DFFA: variants seen among roughly 807,000 people sequenced by gnomAD.
The protein encoded by DFFA is DNA fragmentation factor subunit alpha, also known as DFF45.
Under a neutral mutation model 28.0 loss-of-function variants are expected in DFFA, and 14 were observed. The observed-to-expected ratio is 0.50, with a 90% CI of 0.33 to 0.78. DFFA has a LOEUF of 0.78. DFFA is among the 30% of genes least tolerant of loss of function. DFFA has a pLI of 0.02. For synonymous variants in DFFA, 158 were observed against 170.3 expected (o/e 0.93, Z 0.56); for missense variants, 395 against 407.1 (o/e 0.97, Z 0.26).
chr1:10,460,957 G>A lies in DFFA; in HGVS notation c.*533C>T, dbSNP rs1282466808. 1 of 147,960 alleles carries A rather than the reference G, an allele frequency of 6.8e-6. No homozygotes were observed. The highest frequency in any genetic ancestry group is 1.5e-5 in the Non-Finnish European group (1 of 67,560). 9.2% of individuals were successfully genotyped at this position (147,960 alleles called of 1,614,324 possible). On this transcript the variant is annotated 3_prime_UTR_variant, in exon 6 of 6. Coordinates refer to ENST00000377038, the MANE Select transcript of DFFA (RefSeq NM_004401.3). ...GGAGTCTCGCTCTGTTGCCCAGGCT[G>A]GAGTGCAGTGGCGCAATCTCAGCTC...
chr1:10,461,180 T>C lies in DFFA; in HGVS notation c.*310A>G, dbSNP rs1409482300. On this transcript the variant is annotated 3_prime_UTR_variant, in exon 6 of 6. Transcript: ENST00000377038. Reference sequence around the variant, plus strand: ...CCCCCTCGGCCTCCCAGTGCTGGGATTACAGGCGTGAGCCACTGCGCCTGG... The same window carrying C: ...CCCCCTCGGCCTCCCAGTGCTGGGACTACAGGCGTGAGCCACTGCGCCTGG... The C allele has an allele frequency of 2.2e-5, 6 of 268,056 alleles. No homozygotes were observed. In the East Asian group the frequency reaches 3.8e-4, roughly 17 times the overall value. 16.6% of individuals were successfully genotyped at this position (268,056 alleles called of 1,614,324 possible). A position where few individuals can be genotyped will look rare whatever the true frequency, so the allele number is the denominator to read the frequency against.
At chr1:10,464,101 T>G (rs1327448421) in intron 3 of DFFA, among the ~76,000 whole-genome samples, 1 of 151,778 alleles carries the variant, frequency 6.6e-6, no homozygotes, top group Non-Finnish European at 1.5e-5. Flanking sequence ...TTCTAATTTT[T>G]TTTTTTTTTG....
At position 10,463,610 on chromosome 1, in the gene DFFA, T is replaced by C; in HGVS notation, c.452A>G (p.Asp151Gly). Residue 151 changes from aspartate (D) to glycine (G), a missense_variant, in exon 4 of 6, where the codon GAC (aspartate) becomes GGC (glycine). Coordinates refer to ENST00000377038, the MANE Select transcript of DFFA (RefSeq NM_004401.3). ...CTGAGCCAGGTCTGAGCAGGGAGCGTCAACAAGCATCTAACAAACAAACAC... is the reference window on the plus strand; with the variant it reads ...CTGAGCCAGGTCTGAGCAGGGAGCGCCAACAAGCATCTAACAAACAAACAC... Reference protein sequence around the residue: ...LSEEDLQMLVDAPCSDLAQEL... With the variant: ...LSEEDLQMLVGAPCSDLAQEL... 1 of 1,609,894 alleles carries C rather than the reference T, an allele frequency of 6.2e-7. No individual in the cohort carries two copies. The highest frequency in any genetic ancestry group is 8.5e-7 in the Non-Finnish European group (1 of 1,178,962).
chr1:10,462,724 G>C, intron 5 of DFFA: 1 of 1,126,608 alleles, frequency 8.9e-7, no homozygotes, highest in Non-Finnish European at 1.1e-6. Context: ...ACCTCAGGAC[G>C]GACTATAGAT....
At chr1:10,464,531 A>G (rs2124342461) in intron 3 of DFFA, among the ~76,000 whole-genome samples, 1 of 151,572 alleles carries the variant, frequency 6.6e-6, no homozygotes, top group East Asian at 2.0e-4. Flanking sequence ...CCTGGGCAAC[A>G]TGGTGAAACC....
rs1640867779 is a variant in DFFA, at chr1:10,456,808, G to C, written c.*4682C>G. 1 of 152,172 alleles carries C rather than the reference G, an allele frequency of 6.6e-6. No homozygotes were observed. The allele number at this position is 152,172 out of a possible 1,614,324, so 9.4% of individuals were successfully genotyped here. On this transcript the variant is annotated 3_prime_UTR_variant, in exon 6 of 6. Transcript: ENST00000377038. Reference sequence around the variant, plus strand: ...GCTAATGTAAAGTTCATTAGTCCCAGCTGCTTTCTTTGACATTCTTTTCTT... The same window carrying C: ...GCTAATGTAAAGTTCATTAGTCCCACCTGCTTTCTTTGACATTCTTTTCTT...
At position 10,472,497 on chromosome 1, in the gene DFFA, C is replaced by G; in HGVS notation, c.-39G>C. Reference sequence around the variant, plus strand: ...GGACCTGCCCACCTTCGAGAAGTCGCGGGAGGCCGGAGCGGCGGTCCTTCT... The same window carrying G: ...GGACCTGCCCACCTTCGAGAAGTCGGGGGAGGCCGGAGCGGCGGTCCTTCT... On this transcript the variant is annotated 5_prime_UTR_variant, in exon 1 of 6. Coordinates refer to ENST00000377038, the MANE Select transcript of DFFA (RefSeq NM_004401.3). This position sits in a 1 kb window ranked among gnomAD's most constrained non-coding sequence, Gnocchi z 5.0. 1 of 1,552,600 alleles carries G rather than the reference C, an allele frequency of 6.4e-7. No individual in the cohort carries two copies. The highest frequency in any genetic ancestry group is 8.8e-7 in the Non-Finnish European group (1 of 1,142,114).
In DFFA at chr1:10,472,479, C is replaced by T. The variant is rs770458538; in HGVS notation, c.-21G>A. The T allele has an allele frequency of 5.7e-6, 9 of 1,576,800 alleles. No homozygotes were observed. In the South Asian group the frequency reaches 9.1e-5, roughly 16 times the overall value. On this transcript the variant is annotated 5_prime_UTR_variant, in exon 1 of 6. Coordinates refer to ENST00000377038, the MANE Select transcript of DFFA (RefSeq NM_004401.3). This position sits in a 1 kb window ranked among gnomAD's most constrained non-coding sequence, Gnocchi z 5.0. ...TCCATCCTCCACAAGGTGGGACCTG[C>T]CCACCTTCGAGAAGTCGCGGGAGGC...
At position 10,458,534 on chromosome 1, in the gene DFFA, ATTTTCTTTTT is replaced by A. The variant is rs1275412833; in HGVS notation, c.*2946_*2955del. ...CATCTTTACCCTAGGACTTATTGTG[ATTTTCTTTTT>A]TTTTTTTTTTTAAAGACAGAGTCTC... On this transcript the variant is annotated 3_prime_UTR_variant, in exon 6 of 6. Transcript: ENST00000377038. 2 of 134,662 alleles carry A rather than the reference ATTTTCTTTTT, an allele frequency of 1.5e-5. No homozygotes were observed. Among genetic ancestry groups the A allele is most frequent in the African/African-American group, 2.8e-5 (1 of 35,456 alleles). The allele number at this position is 134,662 out of a possible 1,614,324, so 8.3% of individuals were successfully genotyped here. A position where few individuals can be genotyped will look rare whatever the true frequency, so the allele number is the denominator to read the frequency against.
chr1:10,466,003 C>T (rs1274764526), intron 3 of DFFA, among the ~76,000 whole-genome samples: 5 of 150,364 alleles, frequency 3.3e-5, no homozygotes, highest in Non-Finnish European at 7.4e-5. Context: ...GAAAAAATAG[C>T]GCAGTGTGGT....
chr1:10,463,821 A>G lies in DFFA; in HGVS notation c.442-201T>C, dbSNP rs574794412. ...CTGGGATTACAGGCATGTGCTACCA[A>G]GCCCAGCTAATTTTTGTATTTTTAG... On this transcript the variant is annotated intron_variant, in intron 3 of 5. Coordinates refer to ENST00000377038, the MANE Select transcript of DFFA (RefSeq NM_004401.3). 6.9e-4 allele frequency among the ~76,000 whole-genome samples: 104 copies of G among 150,940 alleles called. 5 individuals are homozygous for G. The South Asian group carries it at 0.019, about 28-fold the overall frequency.
At chr1:10,464,639 C>T (rs1640998450) in intron 3 of DFFA, among the ~76,000 whole-genome samples, 1 of 152,114 alleles carries the variant, frequency 6.6e-6, no homozygotes, top group African/African-American at 2.4e-5. Context: ...CGCTTGAGCC[C>T]AGCAGGCAGA....
intron 2 of DFFA, among the ~76,000 whole-genome samples, chr1:10,468,696 C>T (rs1641053407): frequency 6.6e-6 from 1 of 151,766 alleles, no homozygotes; most frequent in Admixed American, 6.6e-5. Context: ...CAGTTGCTGT[C>T]TGTCCATGAG....
intron 1 of DFFA, among the ~76,000 whole-genome samples, chr1:10,469,841 T>C (rs910200806): frequency 2.6e-4 from 3 of 11,322 alleles, no homozygotes; most frequent in African/African-American, 1.9e-3. Context: ...CTTTCTTTCT[T>C]TTTTTTTTTT....
At chr1:10,462,065 C>T (rs11578995) in intron 5 of DFFA, among the ~76,000 whole-genome samples, 5 of 152,122 alleles carry the variant, frequency 3.3e-5, no homozygotes, top group South Asian at 2.1e-4. Context: ...TCACCGTGTT[C>T]GCCAGGATGG....
chr1:10,463,957 G>A (rs1233987362), intron 3 of DFFA, among the ~76,000 whole-genome samples: 5 of 151,882 alleles, frequency 3.3e-5, no homozygotes, highest in African/African-American at 9.7e-5. Flanking sequence ...GAGCTACTGC[G>A]CCCGGCCTAC....
In DFFA at chr1:10,461,511, T is replaced by G. The variant is rs765569556; in HGVS notation, c.975A>C (p.Arg325=). The G allele has an allele frequency of 1.2e-6, 2 of 1,614,076 alleles. No homozygotes were observed. The highest frequency in any genetic ancestry group is 3.3e-5 in the Admixed American group (2 of 59,994). Reference sequence around the variant, plus strand: ...GCTGCTATGTGGGATCCTGTCTGGCTCGCTTAGGATTCTGCAGGTCACCAG... The same window carrying G: ...GCTGCTATGTGGGATCCTGTCTGGCGCGCTTAGGATTCTGCAGGTCACCAG... ...SPPGDLQNPK[R]ARQDPT Residue 325 remains arginine, a synonymous_variant, in exon 6 of 6, where the codon CGA becomes CGC. Transcript: ENST00000377038.
intron 4 of DFFA, 76 bp from the exon 5 acceptor site, chr1:10,463,285 G>A (rs1005816198): frequency 1.9e-6 from 3 of 1,578,086 alleles, no homozygotes; most frequent in Non-Finnish European, 2.6e-6. Flanking sequence ...CAGAATAACT[G>A]GCCGGGCAAG....
chr1:10,466,287 G>A (rs1028553881), intron 3 of DFFA, among the ~76,000 whole-genome samples: 6 of 152,048 alleles, frequency 3.9e-5, no homozygotes, highest in East Asian at 3.9e-4. Context: ...GGGTTCAGGC[G>A]ATTCTTCTGC....
Sources: allele counts gnomAD v4.1 joint callset (sites outside exome capture counted in the v4.1 genomes callset), GRCh38; gene constraint gnomAD v4.1.1; non-coding constraint Gnocchi (gnomAD v3.1); transcripts MANE v1.5; gene names NCBI Gene and HGNC (gene_info 2026-07-23, HGNC 2026-07-21).